The following RASGRF2 variants were observed in gnomAD, a reference collection of about 807,000 sequenced individuals.
The protein encoded by RASGRF2 is Ras protein specific guanine nucleotide releasing factor 2, also known as ras-specific guanine nucleotide-releasing factor 2.
A neutral mutation model predicts 151.0 loss-of-function variants in RASGRF2; 76 were observed. That is an observed-to-expected ratio of 0.50 (90% CI 0.42 to 0.61). RASGRF2 has a LOEUF of 0.61. Ranked by LOEUF, RASGRF2 falls within the 20% of genes least tolerant of loss-of-function variation. The pLI is 0.00. For synonymous variants in RASGRF2, 504 were observed against 566.5 expected, an observed-to-expected ratio of 0.89 and a Z score of 1.57; for missense variants, 1,148 against 1,564.6, an observed-to-expected ratio of 0.73 and a Z score of 4.49.
intron 2 of RASGRF2, among the ~76,000 whole-genome samples, chr5:81,054,961 T>C (rs975264375): frequency 6.6e-6 from 1 of 152,206 alleles, no homozygotes; most frequent in African/African-American, 2.4e-5. Flanking sequence ...GCTTGTGATT[T>C]TTGCACACTG....
At chr5:81,075,611 C>G (rs182369543) in intron 5 of RASGRF2, among the ~76,000 whole-genome samples, 1 of 152,196 alleles carries the variant, frequency 6.6e-6, no homozygotes, top group Admixed American at 6.5e-5. Context: ...AAGATTGCAA[C>G]GTTTTTTGGT....
At chr5:81,122,740 G>T (rs1287121281) in intron 15 of RASGRF2, among the ~76,000 whole-genome samples, 1 of 152,162 alleles carries the variant, frequency 6.6e-6, no homozygotes, top group Admixed American at 6.6e-5. Flanking sequence ...CATTTTTGTG[G>T]TATTTTTCTC....
At chr5:81,189,220 G>A (rs543182860) in intron 18 of RASGRF2, among the ~76,000 whole-genome samples, 5 of 152,144 alleles carry the variant, frequency 3.3e-5, no homozygotes, top group East Asian at 3.9e-4. Flanking sequence ...GGAAACCCCC[G>A]CTGTTCTTGA....
intron 8 of RASGRF2, 54 bp from the exon 9 acceptor site, chr5:81,086,781 G>T: frequency 5.5e-6 from 8 of 1,442,290 alleles, no homozygotes; most frequent in Non-Finnish European, 7.8e-6. Flanking sequence ...TTGCCTACAT[G>T]CTAGGGCAAG....
chr5:81,051,761 A>G (rs1751018049), intron 2 of RASGRF2, among the ~76,000 whole-genome samples: 1 of 152,176 alleles, frequency 6.6e-6, no homozygotes, highest in Non-Finnish European at 1.5e-5. Flanking sequence ...TTTTGCTAGT[A>G]TGAATAATGT....
Position 81,014,596 on chromosome 5 carries a change from C to T in RASGRF2, c.289-28281C>T, listed in dbSNP as rs1749571328. ...TTGGGAAACAGCCAAACCACATCAA[C>T]ACCCAGTCACCAAACCCTGTATTCC... is the stretch of plus-strand genomic sequence containing the variant. On this transcript the variant is annotated intron_variant, in intron 1 of 26. Transcript: ENST00000265080. Among the ~76,000 whole-genome samples the T allele has an allele frequency of 2.6e-5, 4 of 152,296 alleles. No homozygotes were observed. In the South Asian group the frequency reaches 8.3e-4, roughly 32 times the overall value.
intron 1 of RASGRF2, among the ~76,000 whole-genome samples, chr5:80,969,634 G>A (rs1264281950): frequency 1.3e-5 from 2 of 149,402 alleles, no homozygotes; most frequent in Non-Finnish European, 3.0e-5. Flanking sequence ...TGTATTTTTA[G>A]TAGAGACGGG....
chr5:80,964,713 C>A (rs781615815), intron 1 of RASGRF2, among the ~76,000 whole-genome samples: 1 of 152,028 alleles, frequency 6.6e-6, no homozygotes, highest in Non-Finnish European at 1.5e-5. Flanking sequence ...ATTTAAATGG[C>A]AGTTGTAATT....
At chr5:81,035,264 A>G (rs1409954891) in intron 1 of RASGRF2, among the ~76,000 whole-genome samples, 1 of 152,188 alleles carries the variant, frequency 6.6e-6, no homozygotes, top group Non-Finnish European at 1.5e-5. Flanking sequence ...CATATATACC[A>G]TGGAATACTA....
chr5:81,036,618 T>G lies in RASGRF2; in HGVS notation c.289-6259T>G, dbSNP rs985433060. On this transcript the variant is annotated intron_variant, in intron 1 of 26. Coordinates refer to ENST00000265080, the MANE Select transcript of RASGRF2 (RefSeq NM_006909.3). ...TGTCTGTGCCACTCTTAACTATAAT[T>G]TTTTCACCAAATACTTAAGGACATT... 7.2e-5 allele frequency among the ~76,000 whole-genome samples: 11 copies of G among 152,194 alleles called. No individual in the cohort carries two copies. In the East Asian group the frequency reaches 2.1e-3, roughly 29 times the overall value.
intron 2 of RASGRF2, among the ~76,000 whole-genome samples, chr5:81,053,289 T>C (rs1424154879): frequency 3.4e-5 from 3 of 87,538 alleles, no homozygotes; most frequent in South Asian, 4.3e-4. Context: ...CCCCACCCCA[T>C]GACAGGCCCC....
chr5:81,103,568 G>A (rs539915115), intron 12 of RASGRF2, among the ~76,000 whole-genome samples: 2 of 152,188 alleles, frequency 1.3e-5, no homozygotes, highest in South Asian at 2.1e-4. Context: ...AATTTTAAAA[G>A]TGGATGAAAG....
At chr5:81,016,437 T>G (rs977699945) in intron 1 of RASGRF2, among the ~76,000 whole-genome samples, 1 of 152,230 alleles carries the variant, frequency 6.6e-6, no homozygotes, top group Admixed American at 6.5e-5. Context: ...TTAAATTCTC[T>G]TAGGCATTCT....
intron 17 of RASGRF2, among the ~76,000 whole-genome samples, chr5:81,152,075 C>T (rs1029165705): frequency 1.3e-5 from 2 of 152,228 alleles, no homozygotes; most frequent in Non-Finnish European, 1.5e-5. Flanking sequence ...GATCTCGGCT[C>T]ACTGCAACCT....
At chr5:80,963,988 C>CA (rs1270590521) in intron 1 of RASGRF2, among the ~76,000 whole-genome samples, 3 of 121,406 alleles carry the variant, frequency 2.5e-5, no homozygotes, top group Non-Finnish European at 5.0e-5. Flanking sequence ...TTGACAACAA[C>CA]AAAAAAATCC....
intron 9 of RASGRF2, among the ~76,000 whole-genome samples, chr5:81,091,289 C>T (rs996153183): frequency 2.6e-5 from 4 of 152,186 alleles, no homozygotes; most frequent in African/African-American, 9.7e-5. Flanking sequence ...CTTTCCCCTG[C>T]CTCCAGTACT....
intron 2 of RASGRF2, among the ~76,000 whole-genome samples, chr5:81,062,119 A>G (rs1751462094): frequency 6.6e-6 from 1 of 152,024 alleles, no homozygotes; most frequent in Non-Finnish European, 1.5e-5. Context: ...TGGGATTGTA[A>G]GCATAGGCCA....
chr5:81,049,531 A>G (rs977315178), intron 2 of RASGRF2, among the ~76,000 whole-genome samples: 1 of 151,706 alleles, frequency 6.6e-6, no homozygotes, highest in Non-Finnish European at 1.5e-5. Flanking sequence ...GTCCTATTTC[A>G]CTACTCCTTG....
chr5:81,215,979 T>C (rs1454395169), intron 24 of RASGRF2, 24 bp downstream of exon 24: 1 of 1,464,066 alleles, frequency 6.8e-7, no homozygotes, highest in Non-Finnish European at 9.0e-7. Context: ...AATTATTAAA[T>C]TATTCATAAT....
Sources: gnomAD v4.1 joint callset for allele counts (sites outside exome capture counted in the v4.1 genomes callset) on GRCh38, gnomAD v4.1.1 for gene constraint, MANE v1.5 for transcripts, NCBI Gene and HGNC (gene_info 2026-07-23, HGNC 2026-07-21) for gene names.